DHX32: variants seen among roughly 807,000 people sequenced by gnomAD.
DHX32 encodes the protein putative pre-mRNA-splicing factor ATP-dependent RNA helicase DHX32.
In DHX32, 51 loss-of-function variants were observed where a neutral mutation model predicts 70.0. The ratio of observed to expected loss-of-function variants is 0.73; its 90% confidence interval spans 0.58 to 0.92. The LOEUF (loss-of-function observed/expected upper bound fraction) is 0.92, where lower values mean the gene tolerates loss of function less well. Ranked by LOEUF, DHX32 falls within the 40% of genes least tolerant of loss-of-function variation. DHX32 has a pLI of 0.00. For missense variants in DHX32, 762 were observed against 891.8 expected, an observed-to-expected ratio of 0.85 and a Z score of 1.85; for synonymous variants, 310 against 315.3, an observed-to-expected ratio of 0.98 and a Z score of 0.18.
In DHX32 at chr10:125,880,717, C is replaced by G. The variant is rs139351747; in HGVS notation, c.108G>C (p.Glu36Asp). 417 of 1,614,174 alleles carry G rather than the reference C, an allele frequency of 2.6e-4. No homozygotes were observed. The African/African-American group carries it at 5.0e-3, about 19-fold the overall frequency. ...CATCAAAGGGGTTAAGTTCCAAATC[C>G]TCACAGGCCAAAACCTCTTCCTCAT... ...DGDEEEVLACEDLELNPFDGL... is the reference protein window; with the variant it reads ...DGDEEEVLACDDLELNPFDGL... The change falls in exon 1 of 11, where the codon GAG becomes GAC. Residue 36 changes from glutamate to aspartate, a missense_variant. Physicochemically the swap from Glu to Asp is conservative, Grantham distance 45. This residue lies in a region of DHX32 where 394 missense variants were observed against 473.1 expected (regional missense o/e 0.83). Coordinates refer to ENST00000284690, the MANE Select transcript of DHX32 (RefSeq NM_018180.3).
At position 125,853,982 on chromosome 10, in the gene DHX32, A is replaced by G. The variant is rs746527203; in HGVS notation, c.1071T>C (p.Asp357=). 6.2e-7 allele frequency: 1 copy of G among 1,613,936 alleles called. No individual in the cohort carries two copies. Among genetic ancestry groups the G allele is most frequent in the East Asian group, 2.2e-5 (1 of 44,858 alleles). Reference sequence around the variant, plus strand: ...TTACCTTTCTTCTTTCCACACCCACATCGATAACAAATCTGACTGAGTTGC... The same window carrying G: ...TTACCTTTCTTCTTTCCACACCCACGTCGATAACAAATCTGACTGAGTTGC... ...IWSNSVRFVI[D]VGVERRKVYN... Residue 357 remains aspartate (D), a synonymous_variant, in exon 4 of 11, where the codon GAT becomes GAC. Coordinates refer to ENST00000284690, the MANE Select transcript of DHX32 (RefSeq NM_018180.3).
intron 1 of DHX32, among the ~76,000 whole-genome samples, chr10:125,893,481 G>C (rs77315018): frequency 6.6e-6 from 1 of 152,176 alleles, no homozygotes; most frequent in Non-Finnish European, 1.5e-5. Context: ...CTGACCTCGT[G>C]ATCCGCCTGC....
At chr10:125,857,060 T>TA (rs1944153077) in intron 3 of DHX32, among the ~76,000 whole-genome samples, 1 of 152,222 alleles carries the variant, frequency 6.6e-6, no homozygotes, top group African/African-American at 2.4e-5. Flanking sequence ...TTTAAAGCTT[T>TA]ATATAGAAAT....
chr10:125,867,464 T>C lies in DHX32; in HGVS notation c.283-281A>G, dbSNP rs571727837. Among the ~76,000 whole-genome samples the C allele has an allele frequency of 4.1e-4, 62 of 152,198 alleles. 1 individual carries two copies. Among genetic ancestry groups the C allele is most frequent in the East Asian group, 2.1e-3 (11 of 5,170 alleles). On this transcript the variant is annotated intron_variant, in intron 1 of 10. Transcript: ENST00000284690. ...ATAAAAATCAAGGACAGGCCGGGTG[T>C]GGTGGCTCACGCCTGTAATCCCAGC...
In DHX32 at chr10:125,836,402, G is replaced by A; in HGVS notation, c.*285C>T. On this transcript the variant is annotated 3_prime_UTR_variant, in exon 11 of 11. Coordinates refer to ENST00000284690, the MANE Select transcript of DHX32 (RefSeq NM_018180.3). ...TACAAAAAGTAGGGTTCTGTCCCATGTGTCTCTGACACATTTACAAAATAC... is the reference window on the plus strand; with the variant it reads ...TACAAAAAGTAGGGTTCTGTCCCATATGTCTCTGACACATTTACAAAATAC... The A allele has an allele frequency of 2.0e-6, 3 of 1,510,084 alleles. No homozygotes were observed. Among genetic ancestry groups the A allele is most frequent in the South Asian group, 1.3e-5 (1 of 77,110 alleles). The allele number at this position is 1,510,084 out of a possible 1,614,324, so 93.5% of individuals were successfully genotyped here.
At chr10:125,842,590 A>T (rs1854913046) in intron 6 of DHX32, 1 of 152,940 alleles carries the variant, frequency 6.5e-6, no homozygotes, top group African/African-American at 2.4e-5. Context: ...TCCTAGGACA[A>T]AGCTCAAAAG....
intron 2 of DHX32, among the ~76,000 whole-genome samples, chr10:125,861,900 C>G (rs1050903254): frequency 6.0e-5 from 9 of 150,556 alleles, no homozygotes; most frequent in Admixed American, 6.6e-5. Context: ...GGGATCTTGA[C>G]ACAGTCCTCA....
In DHX32 at chr10:125,864,929, C is replaced by CAAAAAAAAAAAAAAAAA. The variant is rs61570718; in HGVS notation, c.476+2044_476+2060dup. ...TGGGAGACAGAGTGGGACTCTGTCT[C>CAAAAAAAAAAAAAAAAA]AAAAAAAAAAAAAAAAAAAAAAAAA... On this transcript the variant is annotated intron_variant, in intron 2 of 10. Transcript: ENST00000284690. 9.2e-5 allele frequency among the ~76,000 whole-genome samples: 5 copies of CAAAAAAAAAAAAAAAAA among 54,220 alleles called. 1 individual carries two copies. Among genetic ancestry groups the CAAAAAAAAAAAAAAAAA allele is most frequent in the African/African-American group, 1.5e-4 (2 of 13,790 alleles). 35.6% of individuals were successfully genotyped at this position (54,220 alleles called of 152,430 possible). A position where few individuals can be genotyped will look rare whatever the true frequency, so the allele number is the denominator to read the frequency against.
chr10:125,872,009 C>T (rs1224949033), intron 1 of DHX32, among the ~76,000 whole-genome samples: 3 of 152,018 alleles, frequency 2.0e-5, no homozygotes, highest in South Asian at 2.1e-4. Context: ...ATTACAGGCA[C>T]GCACCAGCAC....
intron 1 of DHX32, among the ~76,000 whole-genome samples, chr10:125,873,193 T>A (rs548501916): frequency 6.6e-6 from 1 of 152,226 alleles, no homozygotes; most frequent in Non-Finnish European, 1.5e-5. Context: ...GACCTCCACA[T>A]GAGCTACACT....
exon 1 of DHX32, chr10:125,896,221 C>T (rs1231734264): frequency 6.4e-6 from 1 of 155,812 alleles, no homozygotes; most frequent in East Asian, 1.9e-4. Context: ...CTGTTACCTG[C>T]AGCGGCGGCT....
chr10:125,869,921 G>A (rs1316586489), intron 1 of DHX32, among the ~76,000 whole-genome samples: 1 of 152,186 alleles, frequency 6.6e-6, no homozygotes. Flanking sequence ...GCTAAGCATG[G>A]GAGAGAGGTA....
chr10:125,867,063 C>A lies in DHX32; in HGVS notation c.403G>T (p.Asp135Tyr). The A allele has an allele frequency of 6.2e-7, 1 of 1,614,242 alleles. No homozygotes were observed. Among genetic ancestry groups the A allele is most frequent in the Non-Finnish European group, 8.5e-7 (1 of 1,180,050 alleles). The change falls in exon 2 of 11, where the codon GAT becomes TAT. Residue 135 changes from aspartate to tyrosine, a missense_variant. Physicochemically the swap from Asp to Tyr is radical, Grantham distance 160. Coordinates refer to ENST00000284690, the MANE Select transcript of DHX32 (RefSeq NM_018180.3). ...QLALRVADEM[D>Y]VNIGHEVGYV... Reference sequence around the variant, plus strand: ...CCAACCTCATGACCAATGTTAACATCCATTTCATCCGCCACCCGCAGGGCG... The same window carrying A: ...CCAACCTCATGACCAATGTTAACATACATTTCATCCGCCACCCGCAGGGCG...
intron 6 of DHX32, among the ~76,000 whole-genome samples, chr10:125,850,354 C>CTTTTTTTTTTTTT (rs765077777): frequency 8.8e-5 from 11 of 124,538 alleles, no homozygotes; most frequent in African/African-American, 1.2e-4. Flanking sequence ...TTCTTTCTTT[C>CTTTTTTTTTTTTT]TTTTTTTTTT....
At chr10:125,841,448 C>T (rs1478303162) in intron 7 of DHX32, 1 of 1,546,022 alleles carries the variant, frequency 6.5e-7, no homozygotes. Context: ...CCTCTAGTGA[C>T]ACATTTTCTT....
Position 125,839,130 on chromosome 10 carries a change from T to A in DHX32, c.1752A>T (p.Ala584=), listed in dbSNP as rs1391732235. ...YFLNCSALRM[A]DVIRAELLEI... is the part of the protein sequence containing the mutation. ...CTAAGAGTTCAGCTCGAATAACATC[T>A]GCCATTCTGAGTGCTGAACAGTTGA... is the stretch of plus-strand genomic sequence containing the variant. Residue 584 remains alanine, a synonymous_variant, in exon 9 of 11, where the codon GCA becomes GCT. Transcript: ENST00000284690. The A allele has an allele frequency of 1.9e-6, 3 of 1,614,234 alleles. No individual in the cohort carries two copies. In the East Asian group the frequency reaches 6.7e-5, roughly 36 times the overall value.
intron 1 of DHX32, among the ~76,000 whole-genome samples, chr10:125,873,231 T>C (rs994216333): frequency 4.6e-5 from 7 of 152,140 alleles, no homozygotes; most frequent in African/African-American, 1.7e-4. Context: ...CCTTTCCATC[T>C]ACTGCCAGTG....
intron 3 of DHX32, among the ~76,000 whole-genome samples, chr10:125,858,770 CAG>C (rs1944163880): frequency 6.6e-6 from 1 of 151,688 alleles, no homozygotes; most frequent in African/African-American, 2.4e-5. Context: ...TGGGAGAAGA[CAG>C]GGAAAAAAGG....
chr10:125,839,184 A>G lies in DHX32; in HGVS notation c.1698T>C (p.Cys566=), dbSNP rs1360335221. The G allele has an allele frequency of 1.2e-6, 2 of 1,614,136 alleles. No individual in the cohort carries two copies. The highest frequency in any genetic ancestry group is 1.7e-6 in the Non-Finnish European group (2 of 1,179,968). The part of the protein sequence containing the change: ...DTTLNSSSEY[C]VEKWCRDYFL... Reference sequence around the variant, plus strand: ...AGTAATCACGACACCACTTTTCCACACAGTCTAGGAGGGAAAGAACACAAG... The same window carrying G: ...AGTAATCACGACACCACTTTTCCACGCAGTCTAGGAGGGAAAGAACACAAG... The change falls in exon 9 of 11, where the codon TGT becomes TGC. Residue 566 remains cysteine (C), a synonymous_variant. Coordinates refer to ENST00000284690, the MANE Select transcript of DHX32 (RefSeq NM_018180.3).
Sources: allele counts gnomAD v4.1 joint callset (sites outside exome capture counted in the v4.1 genomes callset), GRCh38; gene constraint gnomAD v4.1.1; regional missense constraint gnomAD v4.1.1; transcripts MANE v1.5; gene names NCBI Gene and HGNC (gene_info 2026-07-23, HGNC 2026-07-21).